Variants in PDZRN3 observed in about 807,000 individuals in gnomAD.
PDZRN3 encodes the protein E3 ubiquitin-protein ligase PDZRN3.
In PDZRN3, 38 loss-of-function variants were observed where a neutral mutation model predicts 85.7. The observed-to-expected ratio is 0.44, with a 90% confidence interval of 0.34 to 0.58. PDZRN3 has a LOEUF of 0.58. PDZRN3 is among the 20% of genes least tolerant of loss of function. PDZRN3 has a pLI of 0.01. For missense variants in PDZRN3, 1,629 were observed against 1,506.4 expected (o/e 1.08, Z -1.35); for synonymous variants, 759 against 638.0 (o/e 1.19, Z -2.86).
intron 3 of PDZRN3, among the ~76,000 whole-genome samples, chr3:73,496,957 T>C (rs958893316): frequency 6.6e-6 from 1 of 152,178 alleles, no homozygotes; most frequent in African/African-American, 2.4e-5. Context: ...GCACAGCAAA[T>C]GGCAGGGTTT....
At chr3:73,465,235 T>TA (rs770684520) in intron 3 of PDZRN3, among the ~76,000 whole-genome samples, 1 of 152,252 alleles carries the variant, frequency 6.6e-6, no homozygotes, top group African/African-American at 2.4e-5. Flanking sequence ...CAGCAGGTAC[T>TA]AAACAGCCAA....
At chr3:73,619,709 A>G (rs1405844733) in intron 1 of PDZRN3, among the ~76,000 whole-genome samples, 1 of 152,190 alleles carries the variant, frequency 6.6e-6, no homozygotes, top group Non-Finnish European at 1.5e-5. Context: ...GATGAAGGGG[A>G]GAAGAATCCA....
chr3:73,574,998 G>C (rs1301524172), intron 3 of PDZRN3, among the ~76,000 whole-genome samples: 1 of 152,172 alleles, frequency 6.6e-6, no homozygotes, highest in Admixed American at 6.5e-5. Flanking sequence ...TTGTACAAGA[G>C]AGCAAAGTGA....
intron 1 of PDZRN3, among the ~76,000 whole-genome samples, chr3:73,609,383 T>C (rs553070207): frequency 4.1e-4 from 63 of 152,268 alleles, no homozygotes; most frequent in African/African-American, 1.5e-3. Flanking sequence ...CAGAGCATAG[T>C]GTTCGACAGT....
At chr3:73,576,909 T>A (rs1260278502) in intron 3 of PDZRN3, among the ~76,000 whole-genome samples, 1 of 152,134 alleles carries the variant, frequency 6.6e-6, no homozygotes. Context: ...ACACATTAAA[T>A]CAAGCACAAC....
intron 3 of PDZRN3, among the ~76,000 whole-genome samples, chr3:73,465,197 T>C (rs1703188515): frequency 6.6e-6 from 1 of 152,186 alleles, no homozygotes; most frequent in African/African-American, 2.4e-5. Context: ...TCACTTTATC[T>C]CCGGAGCCCA....
intron 3 of PDZRN3, among the ~76,000 whole-genome samples, chr3:73,563,011 A>AT (rs1559739770): frequency 7.9e-5 from 3 of 38,212 alleles, no homozygotes; most frequent in Non-Finnish European, 1.3e-4. Flanking sequence ...ATATATATAT[A>AT]TATTTTTTTT....
At position 73,571,906 on chromosome 3, in the gene PDZRN3, G is replaced by A. The variant is rs1391371163; in HGVS notation, c.918+30448C>T. On this transcript the variant is annotated intron_variant, in intron 3 of 9. Transcript: ENST00000263666. ...CACTCCAATCCTCGGGCTGGGAAAC[G>A]GCAGGGTAAAGAATGGAACATGGCA... Among the ~76,000 whole-genome samples, 5 of 152,150 alleles carry A rather than the reference G, an allele frequency of 3.3e-5. No homozygotes were observed. The East Asian group carries it at 7.7e-4, about 23-fold the overall frequency.
chr3:73,523,647 T>G (rs951360114), intron 3 of PDZRN3, among the ~76,000 whole-genome samples: 1 of 152,080 alleles, frequency 6.6e-6, no homozygotes, highest in African/African-American at 2.4e-5. Context: ...GTGAAAAATA[T>G]GATCACAAAA....
At chr3:73,577,332 G>A (rs1176870920) in intron 3 of PDZRN3, among the ~76,000 whole-genome samples, 1 of 152,144 alleles carries the variant, frequency 6.6e-6, no homozygotes, top group Non-Finnish European at 1.5e-5. Context: ...GTTTTACATT[G>A]CAACCCCACA....
At chr3:73,477,974 C>A (rs1160634976) in intron 3 of PDZRN3, among the ~76,000 whole-genome samples, 1 of 152,120 alleles carries the variant, frequency 6.6e-6, no homozygotes, top group Non-Finnish European at 1.5e-5. Context: ...GAAAACCTGC[C>A]CCCATGATTC....
intron 3 of PDZRN3, among the ~76,000 whole-genome samples, chr3:73,472,789 G>A (rs1163142029): frequency 6.6e-6 from 1 of 152,162 alleles, no homozygotes; most frequent in Non-Finnish European, 1.5e-5. Context: ...AGCTGGTATC[G>A]TTCAGAAAGC....
rs142620144 is a variant in PDZRN3 at position 73,409,197 on chromosome 3, A to G, written c.919-4802T>C. On this transcript the variant is annotated intron_variant, in intron 3 of 9. Transcript: ENST00000263666. ...GAAGGCAAACATCCCTGCTGCAAAT[A>G]TGACATGACACTAAGGGACCTTAAA... 2.6e-5 allele frequency among the ~76,000 whole-genome samples: 4 copies of G among 152,360 alleles called. No individual in the cohort carries two copies. The East Asian group carries it at 7.7e-4, about 29-fold the overall frequency.
At chr3:73,597,512 C>T (rs1311965999) in intron 3 of PDZRN3, among the ~76,000 whole-genome samples, 1 of 152,098 alleles carries the variant, frequency 6.6e-6, no homozygotes, top group African/African-American at 2.4e-5. Flanking sequence ...TCCAGGGAAT[C>T]AAGATTGCTA....
intron 3 of PDZRN3, among the ~76,000 whole-genome samples, chr3:73,533,547 GT>G (rs887940245): frequency 3.6e-4 from 53 of 145,426 alleles, no homozygotes; most frequent in East Asian, 1.0e-3. Flanking sequence ...TTAAAAAATT[GT>G]TTTTTTTTTT....
At chr3:73,604,732 C>T (rs567639269) in intron 2 of PDZRN3, among the ~76,000 whole-genome samples, 33 of 152,304 alleles carry the variant, frequency 2.2e-4, no homozygotes, top group Middle Eastern at 3.4e-3. Context: ...CATTTCTTGG[C>T]TGGAGAGAAA....
intron 3 of PDZRN3, among the ~76,000 whole-genome samples, chr3:73,556,044 T>C (rs774774422): frequency 3.9e-5 from 6 of 152,160 alleles, no homozygotes; most frequent in African/African-American, 7.2e-5. Flanking sequence ...CACCTCCCAA[T>C]TTTCTTTCCT....
At chr3:73,421,491 C>T (rs1169844333) in intron 3 of PDZRN3, among the ~76,000 whole-genome samples, 1 of 152,186 alleles carries the variant, frequency 6.6e-6, no homozygotes, top group Non-Finnish European at 1.5e-5. Context: ...ATAGTAGGCA[C>T]TCACTAAATG....
intron 7 of PDZRN3, among the ~76,000 whole-genome samples, chr3:73,388,818 C>T (rs750564898): frequency 6.1e-5 from 9 of 148,154 alleles, no homozygotes; most frequent in Non-Finnish European, 1.3e-4. Context: ...GATGGGCTTG[C>T]TGTGACACAG....
Sources: gnomAD v4.1 joint callset for allele counts (sites outside exome capture counted in the v4.1 genomes callset) on GRCh38, gnomAD v4.1.1 for gene constraint, MANE v1.5 for transcripts, NCBI Gene and HGNC (gene_info 2026-07-23, HGNC 2026-07-21) for gene names.